The following MACROD2 variants were observed in gnomAD, a reference collection of about 807,000 sequenced individuals.
The protein encoded by MACROD2 is mono-ADP ribosylhydrolase 2, also known as ADP-ribose glycohydrolase MACROD2.
In MACROD2, 36 loss-of-function variants were observed where a neutral mutation model predicts 70.4. The ratio of observed to expected loss-of-function variants is 0.51; its 90% confidence interval spans 0.39 to 0.68. The LOEUF (loss-of-function observed/expected upper bound fraction) is 0.68. MACROD2 is among the 30% of genes least tolerant of loss of function. MACROD2 has a pLI of 0.00. For missense variants in MACROD2, 496 were observed against 538.4 expected, an observed-to-expected ratio of 0.92 and a Z score of 0.78; for synonymous variants, 172 against 178.8, an observed-to-expected ratio of 0.96 and a Z score of 0.30.
chr20:15,835,276 T>C (rs1481180799), intron 8 of MACROD2, among the ~76,000 whole-genome samples: 6 of 152,050 alleles, frequency 3.9e-5, no homozygotes, highest in Admixed American at 3.9e-4. Flanking sequence ...TAATTACTTA[T>C]TGAAATTATT....
intron 4 of MACROD2, among the ~76,000 whole-genome samples, chr20:14,597,163 C>A (rs1040088085): frequency 6.6e-6 from 1 of 152,110 alleles, no homozygotes; most frequent in Admixed American, 6.5e-5. Context: ...ACAATTTTTA[C>A]ATTCTTATTT....
chr20:14,269,192 A>G (rs1296573358), intron 3 of MACROD2, among the ~76,000 whole-genome samples: 1 of 152,216 alleles, frequency 6.6e-6, no homozygotes, highest in African/African-American at 2.4e-5. Flanking sequence ...GGCTTAGATA[A>G]TACACAGATC....
chr20:14,434,774 T>A (rs1247139402), intron 3 of MACROD2, among the ~76,000 whole-genome samples: 5 of 152,178 alleles, frequency 3.3e-5, no homozygotes, highest in Admixed American at 3.3e-4. Flanking sequence ...TTGAAATGGT[T>A]GCCAATACTA....
intron 6 of MACROD2, among the ~76,000 whole-genome samples, chr20:15,233,716 G>A (rs970602450): frequency 3.3e-5 from 5 of 151,288 alleles, no homozygotes; most frequent in African/African-American, 4.9e-5. Flanking sequence ...CTCATTTTAC[G>A]ATGGCATTTC....
chr20:15,250,514 G>A (rs1192972189), intron 6 of MACROD2, among the ~76,000 whole-genome samples: 6 of 152,182 alleles, frequency 3.9e-5, no homozygotes, highest in African/African-American at 1.4e-4. Context: ...TTGAAAAAAG[G>A]TGAACATATA....
At chr20:15,697,622 TTGA>T (rs1321393703) in intron 8 of MACROD2, among the ~76,000 whole-genome samples, 2 of 152,216 alleles carry the variant, frequency 1.3e-5, no homozygotes, top group African/African-American at 2.4e-5. Context: ...ACTTTCTGTC[TTGA>T]TGATCTGTCT....
At chr20:14,999,741 T>G (rs1219680823) in intron 5 of MACROD2, among the ~76,000 whole-genome samples, 1 of 152,224 alleles carries the variant, frequency 6.6e-6, no homozygotes, top group African/African-American at 2.4e-5. Flanking sequence ...TGCCTTTTTG[T>G]TTTTGCAATC....
rs373794823 is a variant in MACROD2 at position 15,095,064 on chromosome 20, C to CTTTT, written c.419-134848_419-134845dup. On this transcript the variant is annotated intron_variant, in intron 5 of 17. Transcript: ENST00000684519. ...TATCTTTTCACTGTGGTCTCCTCTT[C>CTTTT]TTTTTTTTTTTTTTTTTTTTTTTTT... Among the ~76,000 whole-genome samples, 77 of 89,246 alleles carry CTTTT rather than the reference C, an allele frequency of 8.6e-4. 3 individuals are homozygous for CTTTT. Among genetic ancestry groups the CTTTT allele is most frequent in the East Asian group, 3.5e-3 (12 of 3,424 alleles). 58.5% of individuals were successfully genotyped at this position (89,246 alleles called of 152,430 possible).
chr20:14,989,822 A>T (rs920828165), intron 5 of MACROD2, among the ~76,000 whole-genome samples: 4 of 152,154 alleles, frequency 2.6e-5, no homozygotes, highest in Non-Finnish European at 5.9e-5. Flanking sequence ...TCAGGATCTT[A>T]TCTACCCCTA....
At position 14,341,500 on chromosome 20, in the gene MACROD2, G is replaced by T. The variant is rs746501750; in HGVS notation, c.272-151979G>T. 2.0e-5 allele frequency among the ~76,000 whole-genome samples: 3 copies of T among 152,116 alleles called. No homozygotes were observed. In the East Asian group the frequency reaches 5.8e-4, roughly 29 times the overall value. On this transcript the variant is annotated intron_variant, in intron 3 of 17. Coordinates refer to ENST00000684519, the MANE Select transcript of MACROD2 (RefSeq NM_001351661.2). ...TAAAAATACAAAAAGTTAGCCGGGC[G>T]TGGTGGCACGTGCCTGTAATCCCAG...
chr20:15,689,956 C>T lies in MACROD2; in HGVS notation c.646-172789C>T, dbSNP rs116210203. Among the ~76,000 whole-genome samples, 345 of 152,308 alleles carry T rather than the reference C, an allele frequency of 2.3e-3. 1 individual carries two copies. Among genetic ancestry groups the T allele is most frequent in the African/African-American group, 8.1e-3 (337 of 41,556 alleles). Reference sequence around the variant, plus strand: ...ACCAAAGGCACAGCCCCTCCATTCACCATTGCTGATCACAATCAGGCTGTG... The same window carrying T: ...ACCAAAGGCACAGCCCCTCCATTCATCATTGCTGATCACAATCAGGCTGTG... On this transcript the variant is annotated intron_variant, in intron 8 of 17. Coordinates refer to ENST00000684519, the MANE Select transcript of MACROD2 (RefSeq NM_001351661.2).
At chr20:15,168,195 G>A (rs939890599) in intron 5 of MACROD2, among the ~76,000 whole-genome samples, 1 of 152,128 alleles carries the variant, frequency 6.6e-6, no homozygotes, top group Non-Finnish European at 1.5e-5. Flanking sequence ...GTGATGTGGT[G>A]GAGCGATCAC....
chr20:15,869,030 A>G (rs1276337048), intron 9 of MACROD2, among the ~76,000 whole-genome samples: 1 of 151,482 alleles, frequency 6.6e-6, no homozygotes, highest in East Asian at 1.9e-4. Context: ...GGGCTCAAGT[A>G]ATTCTCCTGC....
chr20:15,594,348 C>T (rs892237465), intron 8 of MACROD2, among the ~76,000 whole-genome samples: 2 of 152,098 alleles, frequency 1.3e-5, no homozygotes, highest in Non-Finnish European at 2.9e-5. Flanking sequence ...TGGAATCTGA[C>T]TTAGCCATTA....
intron 3 of MACROD2, among the ~76,000 whole-genome samples, chr20:14,436,396 C>T (rs1175293632): frequency 6.6e-6 from 1 of 152,210 alleles, no homozygotes; most frequent in Non-Finnish European, 1.5e-5. Context: ...TTTAACACCT[C>T]TCCTGCTTCC....
intron 8 of MACROD2, among the ~76,000 whole-genome samples, chr20:15,613,125 A>T (rs537120184): frequency 1.3e-5 from 2 of 152,364 alleles, no homozygotes; most frequent in African/African-American, 2.4e-5. Context: ...TATTAGTGTG[A>T]CAGTACCCTG....
intron 8 of MACROD2, among the ~76,000 whole-genome samples, chr20:15,573,394 T>C (rs952127453): frequency 6.6e-6 from 1 of 152,162 alleles, no homozygotes. Flanking sequence ...TAGGAGTACG[T>C]GCACAGATTT....
At chr20:15,174,120 T>G (rs2076442348) in intron 5 of MACROD2, among the ~76,000 whole-genome samples, 2 of 152,240 alleles carry the variant, frequency 1.3e-5, no homozygotes, top group South Asian at 4.1e-4. Flanking sequence ...ATTGTGCATT[T>G]AAATGGTAAT....
chr20:14,893,734 CCTT>C (rs1317208269), intron 5 of MACROD2: 3 of 151,862 alleles, frequency 2.0e-5, no homozygotes, highest in African/African-American at 7.3e-5. Context: ...TTTTCTCCAC[CCTT>C]CTTATTTATT....
Sources: allele counts gnomAD v4.1 joint callset (sites outside exome capture counted in the v4.1 genomes callset), GRCh38; gene constraint gnomAD v4.1.1; transcripts MANE v1.5; gene names NCBI Gene and HGNC (gene_info 2026-07-23, HGNC 2026-07-21).